PIWIL2: variants seen among roughly 807,000 people sequenced by gnomAD.
PIWIL2 encodes the protein piwi like RNA-mediated gene silencing 2, also known as piwi-like protein 2.
Under a neutral mutation model 116.5 loss-of-function variants are expected in PIWIL2, and 81 were observed. The observed-to-expected ratio is 0.70, with a 90% CI of 0.58 to 0.84. PIWIL2 has a LOEUF of 0.84. Among genes scored for constraint, PIWIL2 ranks in the 40% least tolerant of loss-of-function variants. The pLI is 0.00. For synonymous variants in PIWIL2, 489 were observed against 429.5 expected, an observed-to-expected ratio of 1.14 and a Z score of -1.71; for missense variants, 1,272 against 1,212.3, an observed-to-expected ratio of 1.05 and a Z score of -0.73.
At position 22,275,400 on chromosome 8, in the gene PIWIL2, T is replaced by TGAA. The variant is rs1830336885; in HGVS notation, c.-47+4_-47+5insAGA. The TGAA allele has an allele frequency of 6.6e-6, 1 of 152,282 alleles. No homozygotes were observed. Among genetic ancestry groups the TGAA allele is most frequent in the Admixed American group, 6.6e-5 (1 of 15,266 alleles). The allele number at this position is 152,282 out of a possible 1,614,324, so 9.4% of individuals were successfully genotyped here. ...ACTGGGGCGAGGACTCGCGCACAGG[T>TGAA]GAGTACTGGCCCCGGTTGCGGCATG... On this transcript the variant is annotated splice_region_variant and intron_variant, in intron 1 of 22. Coordinates refer to ENST00000356766, the MANE Select transcript of PIWIL2 (RefSeq NM_018068.5).
At chr8:22,345,671 T>A (rs4872473) in intron 20 of PIWIL2, among the ~76,000 whole-genome samples, 101,134 of 151,910 alleles carry the variant, frequency 0.67, 35,133 homozygotes, top group East Asian at 0.87. Context: ...CTCAAAAATA[T>A]AATGAAATAA....
At position 22,355,564 on chromosome 8, in the gene PIWIL2, C is replaced by T. The variant is rs1832471169; in HGVS notation, c.*59C>T. ...AGGCGGCCTCAGAACTCAGCTGTGA[C>T]TCTTGCAGAATCAACAGAGACTGAA... On this transcript the variant is annotated 3_prime_UTR_variant, in exon 23 of 23. Transcript: ENST00000356766. 6.0e-6 allele frequency: 9 copies of T among 1,498,344 alleles called. No homozygotes were observed. Among genetic ancestry groups the T allele is most frequent in the Non-Finnish European group, 8.3e-6 (9 of 1,087,264 alleles). The allele number at this position is 1,498,344 out of a possible 1,614,324, so 92.8% of individuals were successfully genotyped here.
intron 19 of PIWIL2, among the ~76,000 whole-genome samples, chr8:22,317,692 C>G (rs1037657514): frequency 3.6e-4 from 55 of 151,854 alleles, no homozygotes; most frequent in African/African-American, 1.2e-3. Flanking sequence ...CAGAGTCTCG[C>G]TCTGTCGCCC....
intron 20 of PIWIL2, among the ~76,000 whole-genome samples, chr8:22,351,469 A>ATATATATATATATATATATATATG (rs1832358582): frequency 9.1e-6 from 1 of 109,742 alleles, no homozygotes; most frequent in African/African-American, 3.5e-5. Context: ...ATATATATAT[A>ATATATATATATATATATATATATG]TATATATATA....
chr8:22,302,553 G>A (rs535214751), intron 10 of PIWIL2, among the ~76,000 whole-genome samples: 3 of 151,994 alleles, frequency 2.0e-5, no homozygotes, highest in East Asian at 1.9e-4. Context: ...TGTGGCGTGC[G>A]GCTGCTGATG....
chr8:22,316,869 C>G (rs188526447), intron 19 of PIWIL2, among the ~76,000 whole-genome samples: 6 of 151,634 alleles, frequency 4.0e-5, no homozygotes, highest in Non-Finnish European at 8.8e-5. Flanking sequence ...CTCACTGCAA[C>G]CTCAACCTCC....
At chr8:22,282,400 T>G (rs1323576993) in intron 4 of PIWIL2, among the ~76,000 whole-genome samples, 2 of 151,822 alleles carry the variant, frequency 1.3e-5, no homozygotes, top group Non-Finnish European at 2.9e-5. Context: ...ATTAGCCAGG[T>G]TGGTCTCAAA....
At chr8:22,316,213 G>A in intron 18 of PIWIL2, 32 bp from the exon 19 acceptor site, 1 of 1,368,402 alleles carries the variant, frequency 7.3e-7, no homozygotes, top group Admixed American at 1.7e-5. Flanking sequence ...TCAGGTCTGG[G>A]GTTTGGTTTT....
chr8:22,325,665 G>A (rs560107571), intron 20 of PIWIL2, among the ~76,000 whole-genome samples: 1 of 151,918 alleles, frequency 6.6e-6, no homozygotes, highest in South Asian at 2.1e-4. Context: ...TGTATTTTTA[G>A]TAGAGATGGG....
At chr8:22,353,461 C>G (rs1832419769) in intron 21 of PIWIL2, among the ~76,000 whole-genome samples, 1 of 152,050 alleles carries the variant, frequency 6.6e-6, no homozygotes, top group Non-Finnish European at 1.5e-5. Context: ...CCAGCCTGGC[C>G]AACATGGTGA....
At chr8:22,342,308 C>G (rs1832129024) in intron 20 of PIWIL2, among the ~76,000 whole-genome samples, 1 of 152,118 alleles carries the variant, frequency 6.6e-6, no homozygotes, top group Non-Finnish European at 1.5e-5. Flanking sequence ...TATCAACAAA[C>G]TTGATTTTAA....
At chr8:22,334,590 T>A (rs1831937419) in intron 20 of PIWIL2, among the ~76,000 whole-genome samples, 1 of 151,818 alleles carries the variant, frequency 6.6e-6, no homozygotes, top group Admixed American at 6.6e-5. Flanking sequence ...TCAATACTAA[T>A]GTATTTTTAG....
intron 20 of PIWIL2, among the ~76,000 whole-genome samples, chr8:22,321,230 C>T (rs896544389): frequency 6.6e-6 from 1 of 151,714 alleles, no homozygotes; most frequent in African/African-American, 2.4e-5. Flanking sequence ...TCTGCCTCAT[C>T]CTCCAGAGTA....
At chr8:22,345,463 C>T (rs1386085073) in intron 20 of PIWIL2, among the ~76,000 whole-genome samples, 1 of 151,630 alleles carries the variant, frequency 6.6e-6, no homozygotes, top group Non-Finnish European at 1.5e-5. Flanking sequence ...GGATTTGAGA[C>T]CAGCCTGGGC....
intron 10 of PIWIL2, among the ~76,000 whole-genome samples, chr8:22,300,146 G>A (rs1201831083): frequency 6.6e-6 from 1 of 151,968 alleles, no homozygotes; most frequent in African/African-American, 2.4e-5. Context: ...GCCCAGGCCG[G>A]TCTTGAACTC....
At chr8:22,287,802 C>A (rs530746586) in intron 7 of PIWIL2, among the ~76,000 whole-genome samples, 157 bp downstream of exon 7, 56 of 152,312 alleles carry the variant, frequency 3.7e-4, no homozygotes, top group Non-Finnish European at 5.4e-4. Flanking sequence ...AGCCACTTCA[C>A]CTGGCCCAGG....
intron 12 of PIWIL2, among the ~76,000 whole-genome samples, chr8:22,305,108 T>G (rs1482235190): frequency 6.6e-6 from 1 of 152,062 alleles, no homozygotes; most frequent in Non-Finnish European, 1.5e-5. Flanking sequence ...GGTTAAAGAG[T>G]TAAGGAGAAT....
chr8:22,317,486 G>A (rs905121978), intron 19 of PIWIL2, among the ~76,000 whole-genome samples: 1 of 151,754 alleles, frequency 6.6e-6, no homozygotes, highest in South Asian at 2.1e-4. Context: ...ACATTTTCCT[G>A]TATCATTACA....
intron 20 of PIWIL2, among the ~76,000 whole-genome samples, chr8:22,342,157 C>CA (rs58431277): frequency 0.43 from 65,742 of 151,802 alleles, 16,124 homozygotes; most frequent in East Asian, 0.82. Context: ...TGAAAAAAAT[C>CA]AAAGAATATC....
Sources: gnomAD v4.1 joint callset for allele counts (sites outside exome capture counted in the v4.1 genomes callset) on GRCh38, gnomAD v4.1.1 for gene constraint, MANE v1.5 for transcripts, NCBI Gene and HGNC (gene_info 2026-07-23, HGNC 2026-07-21) for gene names.